The following IPMK variants were observed in gnomAD, a reference collection of about 807,000 sequenced individuals.
IPMK encodes inositol 1,3,4,6-tetrakisphosphate 5-kinase.
In IPMK, 17 loss-of-function variants were observed where a neutral mutation model predicts 45.8. The observed-to-expected ratio is 0.37, with a 90% CI of 0.25 to 0.56. The LOEUF is 0.56. Among genes scored for constraint, IPMK ranks in the 20% least tolerant of loss-of-function variants. The pLI is 0.79. For synonymous variants in IPMK, 180 were observed against 184.3 expected (o/e 0.98, Z 0.19); for missense variants, 399 against 498.0 (o/e 0.80, Z 1.89).
chr10:58,258,181 G>A (rs895492154), intron 1 of IPMK, among the ~76,000 whole-genome samples: 9 of 152,010 alleles, frequency 5.9e-5, no homozygotes, highest in Admixed American at 1.3e-4. Context: ...ATGGTGGTGC[G>A]TGCCTGTAAT....
intron 1 of IPMK, among the ~76,000 whole-genome samples, chr10:58,266,003 T>G (rs1018232545): frequency 6.6e-6 from 1 of 152,214 alleles, no homozygotes; most frequent in African/African-American, 2.4e-5. Flanking sequence ...TTAATATAAA[T>G]CAATAGGCAT....
At chr10:58,214,259 C>T in intron 4 of IPMK, among the ~76,000 whole-genome samples, 1 of 152,130 alleles carries the variant, frequency 6.6e-6, no homozygotes, top group East Asian at 1.9e-4. Context: ...GAAAATTCTT[C>T]AATGTGACGG....
At chr10:58,223,608 A>C (rs879743861) in intron 3 of IPMK, among the ~76,000 whole-genome samples, 1 of 152,184 alleles carries the variant, frequency 6.6e-6, no homozygotes, top group Admixed American at 6.5e-5. Context: ...CCTCATAAAA[A>C]AGGAGGAAAA....
At chr10:58,262,603 A>G (rs1281473097) in intron 1 of IPMK, among the ~76,000 whole-genome samples, 1 of 152,238 alleles carries the variant, frequency 6.6e-6, no homozygotes, top group East Asian at 1.9e-4. Context: ...AAAAGAAACC[A>G]GGGCTCCTTG....
intron 1 of IPMK, among the ~76,000 whole-genome samples, chr10:58,248,762 A>G (rs1838840500): frequency 6.6e-6 from 1 of 152,182 alleles, no homozygotes; most frequent in Non-Finnish European, 1.5e-5. Context: ...CAATGTTTTT[A>G]GCTCCCTCAT....
At chr10:58,266,218 TTCTC>T (rs1483874949) in intron 1 of IPMK, among the ~76,000 whole-genome samples, 5 of 152,152 alleles carry the variant, frequency 3.3e-5, no homozygotes, top group African/African-American at 9.7e-5. Context: ...AGAATACAGA[TTCTC>T]TCTCTAACAT....
intron 4 of IPMK, among the ~76,000 whole-genome samples, chr10:58,215,888 T>C (rs1043665278): frequency 2.0e-5 from 3 of 152,116 alleles, no homozygotes; most frequent in African/African-American, 7.2e-5. Context: ...ATTATAGTCC[T>C]GAGATTCAGC....
rs61873885 is a variant in IPMK, at chr10:58,247,781, T to G, written c.191-9967A>C. ...GTAACTAACCTGCACATTGTGCACA[T>G]GTACCCTAAAACTTAAAGTATAACA... On this transcript the variant is annotated intron_variant, in intron 1 of 5. Coordinates refer to ENST00000373935, the MANE Select transcript of IPMK (RefSeq NM_152230.5). 4.0e-3 allele frequency among the ~76,000 whole-genome samples: 610 copies of G among 152,244 alleles called. 2 individuals carry two copies. Among genetic ancestry groups the G allele is most frequent in the Middle Eastern group, 0.014 (4 of 294 alleles).
intron 1 of IPMK, among the ~76,000 whole-genome samples, chr10:58,253,059 G>A (rs531985114): frequency 3.0e-4 from 45 of 152,326 alleles, no homozygotes; most frequent in African/African-American, 1.1e-3. Flanking sequence ...ATCCTCACAT[G>A]TCAAGGGCAA....
chr10:58,249,433 GTTT>G (rs1466097540), intron 1 of IPMK, among the ~76,000 whole-genome samples: 5 of 152,106 alleles, frequency 3.3e-5, no homozygotes, highest in Non-Finnish European at 7.4e-5. Context: ...ATATCTCATT[GTTT>G]TTTATACTTG....
intron 3 of IPMK, among the ~76,000 whole-genome samples, chr10:58,219,406 T>C (rs752769966): frequency 6.6e-6 from 1 of 152,214 alleles, no homozygotes; most frequent in Non-Finnish European, 1.5e-5. Context: ...TTTTTACTGA[T>C]TTACAGGCTG....
rs1008865139 is a variant in IPMK, at chr10:58,192,537, A to T, written c.*3539T>A. ...GCTTCATTTCAACCCCACACTTATT[A>T]TCTTATTTAGATGCCTATTTTTCTA... is the stretch of plus-strand genomic sequence containing the variant. On this transcript the variant is annotated 3_prime_UTR_variant, in exon 6 of 6. Transcript: ENST00000373935. 1 of 152,016 alleles carries T rather than the reference A, an allele frequency of 6.6e-6. No individual in the cohort carries two copies. The highest frequency in any genetic ancestry group is 1.5e-5 in the Non-Finnish European group (1 of 67,896). The allele number at this position is 152,016 out of a possible 1,614,324, so 9.4% of individuals were successfully genotyped here. A position where few individuals can be genotyped will look rare whatever the true frequency, so the allele number is the denominator to read the frequency against.
chr10:58,207,088 C>T (rs989153601), intron 4 of IPMK, among the ~76,000 whole-genome samples: 44 of 152,236 alleles, frequency 2.9e-4, no homozygotes, highest in Admixed American at 1.1e-3. Context: ...CTGCAAACTC[C>T]GCCTCCTGGG....
intron 1 of IPMK, among the ~76,000 whole-genome samples, chr10:58,238,491 A>G (rs1468699431): frequency 6.6e-6 from 1 of 152,136 alleles, no homozygotes; most frequent in Non-Finnish European, 1.5e-5. Flanking sequence ...TGCCATGAAG[A>G]CTCATTCCAA....
chr10:58,254,826 G>T (rs1319938766), intron 1 of IPMK, among the ~76,000 whole-genome samples: 1 of 152,214 alleles, frequency 6.6e-6, no homozygotes, highest in East Asian at 1.9e-4. Context: ...ATTGTTTCCT[G>T]TTCTGGGAGA....
chr10:58,248,906 T>C (rs949635370), intron 1 of IPMK, among the ~76,000 whole-genome samples: 5 of 152,236 alleles, frequency 3.3e-5, no homozygotes, highest in African/African-American at 1.2e-4. Flanking sequence ...TATTCCATTA[T>C]GAACCACATT....
intron 5 of IPMK, 70 bp from the exon 6 acceptor site, chr10:58,196,768 C>T: frequency 9.5e-7 from 1 of 1,055,618 alleles, no homozygotes; most frequent in East Asian, 2.5e-5. Context: ...GTAAACTCAT[C>T]ACAGAATTCT....
At chr10:58,197,518 C>T (rs1201070446) in intron 5 of IPMK, among the ~76,000 whole-genome samples, 2 of 151,264 alleles carry the variant, frequency 1.3e-5, no homozygotes, top group Non-Finnish European at 2.9e-5. Context: ...GGCATGGTGG[C>T]GGACGCCTGT....
At chr10:58,229,520 G>A (rs960991631) in intron 2 of IPMK, among the ~76,000 whole-genome samples, 6 of 134,684 alleles carry the variant, frequency 4.5e-5, no homozygotes, top group East Asian at 2.2e-4. Flanking sequence ...CAGAGACTGC[G>A]CCACTGCACT....
Sources: allele counts gnomAD v4.1 joint callset (sites outside exome capture counted in the v4.1 genomes callset), GRCh38; gene constraint gnomAD v4.1.1; transcripts MANE v1.5; gene names NCBI Gene and HGNC (gene_info 2026-07-23, HGNC 2026-07-21).